The following ASXL3 variants were observed in gnomAD, a reference collection of about 807,000 sequenced individuals.
ASXL3 encodes the protein ASXL transcriptional regulator 3, also known as putative Polycomb group protein ASXL3.
ASXL3 carries 34 observed loss-of-function variants against 170.6 expected under a neutral mutation model. That is an observed-to-expected ratio of 0.20 (90% CI 0.15 to 0.27). The LOEUF (loss-of-function observed/expected upper bound fraction) is 0.27, where lower values mean the gene tolerates loss of function less well. Ranked by LOEUF, ASXL3 falls within the 10% of genes least tolerant of loss-of-function variation. The pLI is 1.00. For synonymous variants in ASXL3, 1,002 were observed against 989.1 expected (o/e 1.01, Z -0.24); for missense variants, 2,592 against 2,695.3 (o/e 0.96, Z 0.85).
At chr18:33,703,376 T>C (rs1003298611) in intron 8 of ASXL3, among the ~76,000 whole-genome samples, 2 of 151,962 alleles carry the variant, frequency 1.3e-5, no homozygotes, top group African/African-American at 4.8e-5. Context: ...TGGGTGGGGG[T>C]GCTCAGCTTA....
chr18:33,589,977 G>A (rs945350829), intron 1 of ASXL3, among the ~76,000 whole-genome samples: 6 of 151,934 alleles, frequency 3.9e-5, no homozygotes, highest in South Asian at 2.1e-4. Context: ...AGTTTCTCCC[G>A]GTTACAAGTG....
chr18:33,634,362 G>A (rs2065734488), intron 2 of ASXL3, among the ~76,000 whole-genome samples: 1 of 150,946 alleles, frequency 6.6e-6, no homozygotes, highest in Non-Finnish European at 1.5e-5. Context: ...CTAACAAAAA[G>A]CTGAAGTTGC....
At chr18:33,683,792 T>G in intron 8 of ASXL3, 5 of 386,070 alleles carry the variant, frequency 1.3e-5, no homozygotes. Flanking sequence ...TGTGGTAGAG[T>G]GAAAACTATA....
chr18:33,723,867 G>T (rs1420826029), intron 8 of ASXL3, among the ~76,000 whole-genome samples: 4 of 152,092 alleles, frequency 2.6e-5, no homozygotes, highest in Non-Finnish European at 5.9e-5. Flanking sequence ...CAGCCACCCT[G>T]ATCAGTCAGC....
At chr18:33,636,626 A>T (rs9960696) in intron 2 of ASXL3, among the ~76,000 whole-genome samples, 1 of 152,098 alleles carries the variant, frequency 6.6e-6, no homozygotes, top group African/African-American at 2.4e-5. Context: ...AGTCATGGGT[A>T]CTGGAGGAGG....
Position 33,740,276 on chromosome 18 carries a change from G to T in ASXL3, c.2872G>T (p.Asp958Tyr), listed in dbSNP as rs868278262. The T allele has an allele frequency of 6.2e-7, 1 of 1,612,696 alleles. No individual in the cohort carries two copies. The highest frequency in any genetic ancestry group is 8.5e-7 in the Non-Finnish European group (1 of 1,179,302). The change falls in exon 11 of 12, where the codon GAT becomes TAT. Residue 958 changes from aspartate (D) to tyrosine (Y), a missense_variant. By Grantham distance (160) the Asp-to-Tyr change is radical. Around this residue, in one of 4 missense-constraint regions of ASXL3, gnomAD observed 2,246 missense variants for 2,219.6 expected, o/e 1.01. Transcript: ENST00000269197. ...TGATGGGATAAGAAATGAAAGTAGA[G>T]ATTCAGAGATATCAAAGAGAAAAAC... ...SPDGIRNESR[D>Y]SEISKRKTAE...
chr18:33,715,549 C>T (rs2067150871), intron 8 of ASXL3, among the ~76,000 whole-genome samples: 1 of 152,122 alleles, frequency 6.6e-6, no homozygotes, highest in African/African-American at 2.4e-5. Flanking sequence ...TAGAAATGGG[C>T]CCAGTGCTGA....
intron 8 of ASXL3, among the ~76,000 whole-genome samples, chr18:33,718,705 T>G (rs2067207830): frequency 6.7e-6 from 1 of 149,520 alleles, no homozygotes. Context: ...TTCTTTTTCT[T>G]TTTTTTTTTC....
At chr18:33,670,364 T>C (rs1394808975) in intron 5 of ASXL3, among the ~76,000 whole-genome samples, 2 of 152,244 alleles carry the variant, frequency 1.3e-5, no homozygotes, top group Admixed American at 6.5e-5. Flanking sequence ...TTGGGAGTCA[T>C]AGTTTCAAAT....
At position 33,586,816 on chromosome 18, in the gene ASXL3, A is replaced by C. The variant is rs979713192; in HGVS notation, c.54+8131A>C. 2.6e-5 allele frequency among the ~76,000 whole-genome samples: 4 copies of C among 152,302 alleles called. No individual in the cohort carries two copies. In the East Asian group the frequency reaches 7.7e-4, roughly 29 times the overall value. On this transcript the variant is annotated intron_variant, in intron 1 of 11. Coordinates refer to ENST00000269197, the MANE Select transcript of ASXL3 (RefSeq NM_030632.3). ...TGGATATTTCAAATGAAATTTATCCAGTTCATTTAAACATTTATTGGATAC... is the reference window on the plus strand; with the variant it reads ...TGGATATTTCAAATGAAATTTATCCCGTTCATTTAAACATTTATTGGATAC...
At chr18:33,638,501 T>G (rs2145187598) in intron 2 of ASXL3, among the ~76,000 whole-genome samples, 1 of 152,292 alleles carries the variant, frequency 6.6e-6, no homozygotes, top group East Asian at 1.9e-4. Flanking sequence ...GAATTGAGAA[T>G]GAAGCAGGTC....
Position 33,672,391 on chromosome 18 carries a change from C to T in ASXL3, c.715+525C>T, listed in dbSNP as rs146656333. Reference sequence around the variant, plus strand: ...TGAGAAATGTTGGAGACACAGGCCACGGGTCTTTCAAATCAGCACCAGGTT... The same window carrying T: ...TGAGAAATGTTGGAGACACAGGCCATGGGTCTTTCAAATCAGCACCAGGTT... On this transcript the variant is annotated intron_variant, in intron 7 of 11. Coordinates refer to ENST00000269197, the MANE Select transcript of ASXL3 (RefSeq NM_030632.3). 4.0e-3 allele frequency among the ~76,000 whole-genome samples: 614 copies of T among 152,250 alleles called. 4 individuals carry two copies. Among genetic ancestry groups the T allele is most frequent in the Non-Finnish European group, 5.7e-3 (389 of 68,010 alleles).
In ASXL3 at chr18:33,631,355, GT is replaced by G. The variant is rs554134112; in HGVS notation, c.138-13532del. Among the ~76,000 whole-genome samples the G allele has an allele frequency of 1.9e-3, 291 of 152,058 alleles. 1 individual carries two copies. The highest frequency in any genetic ancestry group is 6.7e-3 in the African/African-American group (277 of 41,554). ...AGAGTTAAAGCAACCCTTGAGAATT[GT>G]TTTTTTAGTTCACCTAATAAATTAA... On this transcript the variant is annotated intron_variant, in intron 2 of 11. Transcript: ENST00000269197.
chr18:33,726,603 T>C (rs924495099), intron 8 of ASXL3, among the ~76,000 whole-genome samples: 6 of 152,202 alleles, frequency 3.9e-5, no homozygotes, highest in African/African-American at 1.4e-4. Context: ...ATTAAGAAAA[T>C]GCATTATTGA....
chr18:33,733,434 G>A (rs1568355695), intron 9 of ASXL3, among the ~76,000 whole-genome samples: 1 of 152,040 alleles, frequency 6.6e-6, no homozygotes, highest in Non-Finnish European at 1.5e-5. Context: ...ACACCTATCT[G>A]GTCATGAACT....
intron 8 of ASXL3, among the ~76,000 whole-genome samples, chr18:33,704,436 C>G (rs943267034): frequency 1.3e-5 from 2 of 151,942 alleles, no homozygotes; most frequent in African/African-American, 4.8e-5. Flanking sequence ...TTGATTTTTA[C>G]CTTTATTTTA....
chr18:33,628,559 T>A (rs1361213273), intron 2 of ASXL3, among the ~76,000 whole-genome samples: 2 of 152,120 alleles, frequency 1.3e-5, no homozygotes, highest in Non-Finnish European at 2.9e-5. Context: ...TGACATTTCT[T>A]CACACTCTAT....
At chr18:33,592,729 T>G (rs1165609428) in intron 1 of ASXL3, among the ~76,000 whole-genome samples, 1 of 152,218 alleles carries the variant, frequency 6.6e-6, no homozygotes, top group Admixed American at 6.5e-5. Context: ...CCACCTTTAC[T>G]TTTGTTTATG....
intron 5 of ASXL3, among the ~76,000 whole-genome samples, chr18:33,667,328 A>G (rs752282973): frequency 3.3e-5 from 5 of 152,152 alleles, no homozygotes; most frequent in Non-Finnish European, 7.3e-5. Context: ...TTTCCCAGTG[A>G]AATTTCTGAT....
Sources: allele counts gnomAD v4.1 joint callset (sites outside exome capture counted in the v4.1 genomes callset), GRCh38; gene constraint gnomAD v4.1.1; regional missense constraint gnomAD v4.1.1; transcripts MANE v1.5; gene names NCBI Gene and HGNC (gene_info 2026-07-23, HGNC 2026-07-21).